Variants in ADARB2 observed in about 807,000 individuals in gnomAD.
ADARB2 encodes the protein adenosine deaminase RNA specific B2 (inactive).
In ADARB2, 25 loss-of-function variants were observed where a neutral mutation model predicts 62.2. The ratio of observed to expected loss-of-function variants is 0.40; its 90% CI spans 0.29 to 0.56. ADARB2 has a LOEUF of 0.56. Among genes scored for constraint, ADARB2 ranks in the 20% least tolerant of loss-of-function variants. The pLI, the probability that ADARB2 is intolerant of heterozygous loss-of-function variation, is 0.43. For synonymous variants in ADARB2, 572 were observed against 500.8 expected, an observed-to-expected ratio of 1.14 and a Z score of -1.90; for missense variants, 1,071 against 1,077.4, an observed-to-expected ratio of 0.99 and a Z score of 0.08.
chr10:1,380,954 T>A (rs927051389), intron 1 of ADARB2, among the ~76,000 whole-genome samples: 1 of 152,236 alleles, frequency 6.6e-6, no homozygotes, highest in Non-Finnish European at 1.5e-5. Flanking sequence ...CTCACAAAAA[T>A]GCACTAAACT....
chr10:1,227,736 C>CA (rs1253421543), intron 6 of ADARB2, among the ~76,000 whole-genome samples: 1 of 152,026 alleles, frequency 6.6e-6, no homozygotes, highest in African/African-American at 2.4e-5. Context: ...GAGAGAGCAC[C>CA]AAAAATGAAA....
rs564916316 is a variant in ADARB2, at chr10:1,730,925, A to G, written c.100+6126T>C. Among the ~76,000 whole-genome samples the G allele has an allele frequency of 1.9e-3, 286 of 152,360 alleles. 1 individual carries two copies. The highest frequency in any genetic ancestry group is 0.01 in the Middle Eastern group (3 of 294). On this transcript the variant is annotated intron_variant, in intron 1 of 9. Coordinates refer to ENST00000381312, the MANE Select transcript of ADARB2 (RefSeq NM_018702.4). ...TACTAACTGTATTCATTCACCATCA[A>G]TAAAATAATACAATGTAATTATTTT...
rs376461606 is a variant in ADARB2, at chr10:1,328,996, T to TAAAAAAAAAA, written c.1077+34022_1077+34031dup. ...GGGGTGACAGAACAAGACCCTGTCT[T>TAAAAAAAAAA]AAAAAAAAAAAAAAAAAAAAAAAAA... is the stretch of plus-strand genomic sequence containing the variant. On this transcript the variant is annotated intron_variant, in intron 3 of 9. Coordinates refer to ENST00000381312, the MANE Select transcript of ADARB2 (RefSeq NM_018702.4). 2.7e-3 allele frequency among the ~76,000 whole-genome samples: 207 copies of TAAAAAAAAAA among 75,662 alleles called. 5 individuals are homozygous for TAAAAAAAAAA. Among genetic ancestry groups the TAAAAAAAAAA allele is most frequent in the African/African-American group, 0.012 (198 of 17,096 alleles). The allele number at this position is 75,662 out of a possible 152,430, so 49.6% of individuals were successfully genotyped here. A position where few individuals can be genotyped will look rare whatever the true frequency, so the allele number is the denominator to read the frequency against.
chr10:1,375,957 G>GCA (rs368350780), intron 2 of ADARB2, among the ~76,000 whole-genome samples: 2,031 of 30,456 alleles, frequency 0.067, 43 homozygotes, highest in East Asian at 0.38. Context: ...CCACACACAT[G>GCA]CACACACACA....
chr10:1,600,233 G>T (rs4880885), intron 1 of ADARB2, among the ~76,000 whole-genome samples: 11,363 of 152,162 alleles, frequency 0.075, 598 homozygotes, highest in East Asian at 0.24. Context: ...TTAGGTGTTT[G>T]CCTGGGATGG....
At chr10:1,707,940 T>G (rs542422252) in intron 1 of ADARB2, among the ~76,000 whole-genome samples, 5 of 152,260 alleles carry the variant, frequency 3.3e-5, no homozygotes, top group African/African-American at 1.2e-4. Context: ...CTGGCCTCCA[T>G]TTTTTCTCAT....
chr10:1,338,072 T>C (rs1366038108), intron 3 of ADARB2, among the ~76,000 whole-genome samples: 2 of 152,246 alleles, frequency 1.3e-5, no homozygotes, highest in Non-Finnish European at 2.9e-5. Flanking sequence ...TAAAAGCATC[T>C]ATTTTACATG....
intron 1 of ADARB2, among the ~76,000 whole-genome samples, chr10:1,588,420 A>G (rs1023030831): frequency 4.6e-5 from 7 of 152,302 alleles, no homozygotes; most frequent in South Asian, 2.1e-4. Context: ...AAGGAACTTG[A>G]TAGGCCAAAT....
At chr10:1,385,153 C>T (rs1832515154) in intron 1 of ADARB2, among the ~76,000 whole-genome samples, 1 of 152,018 alleles carries the variant, frequency 6.6e-6, no homozygotes, top group African/African-American at 2.4e-5. Flanking sequence ...AATAATCTAC[C>T]TGCTAGAAGA....
At position 1,194,152 on chromosome 10, in the gene ADARB2, A is replaced by G. The variant is rs148842187; in HGVS notation, c.1864+5814T>C. ...CTAGGCTGTAGCACCCAACTAGATT[A>G]ACTGCGAGATTAACCAGCAGTCCCA... is the stretch of plus-strand genomic sequence containing the variant. On this transcript the variant is annotated intron_variant, in intron 8 of 9. Coordinates refer to ENST00000381312, the MANE Select transcript of ADARB2 (RefSeq NM_018702.4). 1.8e-3 allele frequency among the ~76,000 whole-genome samples: 269 copies of G among 152,330 alleles called. 1 individual carries two copies. The highest frequency in any genetic ancestry group is 5.4e-3 in the African/African-American group (225 of 41,574).
chr10:1,311,015 G>A (rs1831685119), intron 3 of ADARB2, among the ~76,000 whole-genome samples: 1 of 152,212 alleles, frequency 6.6e-6, no homozygotes, highest in African/African-American at 2.4e-5. Flanking sequence ...CCACAATCTA[G>A]ATCTGGCTAT....
intron 1 of ADARB2, among the ~76,000 whole-genome samples, chr10:1,663,911 C>T (rs938540439): frequency 6.6e-6 from 1 of 152,206 alleles, no homozygotes; most frequent in African/African-American, 2.4e-5. Context: ...AGCCACCACG[C>T]CTGGCCAGGT....
At chr10:1,298,256 GAA>G (rs1564250330) in intron 3 of ADARB2, among the ~76,000 whole-genome samples, 1 of 152,178 alleles carries the variant, frequency 6.6e-6, no homozygotes, top group African/African-American at 2.4e-5. Context: ...AAGACAAAAT[GAA>G]GTTTCTCACA....
chr10:1,278,132 G>C (rs1831336852), intron 3 of ADARB2, among the ~76,000 whole-genome samples: 1 of 151,952 alleles, frequency 6.6e-6, no homozygotes, highest in Admixed American at 6.6e-5. Context: ...ACTATGCCTG[G>C]CTAATTTTAG....
chr10:1,525,071 G>A (rs188589783), intron 1 of ADARB2, among the ~76,000 whole-genome samples: 2 of 152,050 alleles, frequency 1.3e-5, no homozygotes, highest in Admixed American at 6.5e-5. Context: ...ATAACTTCAC[G>A]AACAGGAAGA....
chr10:1,211,739 G>A (rs577515069), intron 7 of ADARB2, among the ~76,000 whole-genome samples: 16 of 152,308 alleles, frequency 1.1e-4, no homozygotes, highest in Middle Eastern at 3.4e-3. Context: ...TTTGGGCAGC[G>A]ATGAAGGGGT....
At chr10:1,329,787 G>T (rs1831911048) in intron 3 of ADARB2, among the ~76,000 whole-genome samples, 1 of 152,164 alleles carries the variant, frequency 6.6e-6, no homozygotes, top group African/African-American at 2.4e-5. Context: ...CTGGGAAATA[G>T]GACTGGACAG....
At chr10:1,705,344 G>A (rs893378611) in intron 1 of ADARB2, among the ~76,000 whole-genome samples, 1 of 152,142 alleles carries the variant, frequency 6.6e-6, no homozygotes, top group African/African-American at 2.4e-5. Flanking sequence ...AGAGTGGCCG[G>A]TATGATGGAC....
chr10:1,475,258 A>G (rs1480585333), intron 1 of ADARB2, among the ~76,000 whole-genome samples: 1 of 152,220 alleles, frequency 6.6e-6, no homozygotes, highest in Non-Finnish European at 1.5e-5. Flanking sequence ...GTGGTTTTGA[A>G]TAACTACTGT....
Sources: allele counts gnomAD v4.1 joint callset (sites outside exome capture counted in the v4.1 genomes callset), GRCh38; gene constraint gnomAD v4.1.1; transcripts MANE v1.5; gene names NCBI Gene and HGNC (gene_info 2026-07-23, HGNC 2026-07-21).